Variants in GRIN2B observed in about 807,000 individuals in gnomAD.
GRIN2B encodes the protein glutamate ionotropic receptor NMDA type subunit 2B.
In GRIN2B, 5 loss-of-function variants were observed where a neutral mutation model predicts 114.5. That is an observed-to-expected ratio of 0.04 (90% confidence interval 0.02 to 0.09). The LOEUF is 0.09. Among genes scored for constraint, GRIN2B ranks in the 10% least tolerant of loss-of-function variants. The pLI, the probability that GRIN2B is intolerant of heterozygous loss-of-function variation, is 1.00. For synonymous variants in GRIN2B, 787 were observed against 745.1 expected (o/e 1.06, Z -0.92); for missense variants, 1,108 against 1,943.5 (o/e 0.57, Z 8.08).
intron 4 of GRIN2B, among the ~76,000 whole-genome samples, chr12:13,726,550 A>G (rs910342475): frequency 6.8e-5 from 10 of 147,698 alleles, no homozygotes; most frequent in African/African-American, 9.8e-5. Context: ...AGAAAGAAAT[A>G]TATATATATA....
At chr12:13,711,891 A>G (rs1170445733) in intron 4 of GRIN2B, among the ~76,000 whole-genome samples, 1 of 151,980 alleles carries the variant, frequency 6.6e-6, no homozygotes. Context: ...TATACCCAAA[A>G]GATTATAAAT....
Position 13,782,763 on chromosome 12 carries a change from A to C in GRIN2B, c.412-28848T>G, listed in dbSNP as rs553227269. Among the ~76,000 whole-genome samples the C allele has an allele frequency of 5.3e-5, 8 of 152,264 alleles. No individual in the cohort carries two copies. In the South Asian group the frequency reaches 1.7e-3, roughly 32 times the overall value. Reference sequence around the variant, plus strand: ...TCTTTGCTCTAGACCCAGCTCACCCACATATTTTTATCTCCCCATCACACT... The same window carrying C: ...TCTTTGCTCTAGACCCAGCTCACCCCCATATTTTTATCTCCCCATCACACT... On this transcript the variant is annotated intron_variant, in intron 3 of 13. Transcript: ENST00000609686.
At chr12:13,748,313 C>G (rs1020435817) in intron 4 of GRIN2B, among the ~76,000 whole-genome samples, 8 of 152,184 alleles carry the variant, frequency 5.3e-5, no homozygotes, top group African/African-American at 1.9e-4. Context: ...AGCGGGCTCT[C>G]AGGACAGAAA....
At chr12:13,726,363 T>C (rs558290849) in intron 4 of GRIN2B, among the ~76,000 whole-genome samples, 1 of 151,610 alleles carries the variant, frequency 6.6e-6, no homozygotes, top group Non-Finnish European at 1.5e-5. Flanking sequence ...GGTGAAACCT[T>C]GTCTCTACTA....
At chr12:13,970,770 A>G (rs575013391) in intron 2 of GRIN2B, among the ~76,000 whole-genome samples, 2 of 151,784 alleles carry the variant, frequency 1.3e-5, no homozygotes, top group African/African-American at 2.4e-5. Flanking sequence ...GCATTCTCCT[A>G]CTCAGGAAAG....
intron 3 of GRIN2B, among the ~76,000 whole-genome samples, chr12:13,803,662 A>C (rs1487019339): frequency 6.6e-6 from 1 of 152,184 alleles, no homozygotes; most frequent in Non-Finnish European, 1.5e-5. Context: ...AATTTAGGGG[A>C]CTGTGAATAG....
intron 5 of GRIN2B, among the ~76,000 whole-genome samples, chr12:13,618,494 A>G (rs1949473848): frequency 6.6e-6 from 1 of 152,132 alleles, no homozygotes; most frequent in African/African-American, 2.4e-5. Flanking sequence ...CTGGCCTATT[A>G]TAGCCCAGCG....
chr12:13,571,164 A>T (rs1948703276), intron 11 of GRIN2B, among the ~76,000 whole-genome samples: 1 of 152,154 alleles, frequency 6.6e-6, no homozygotes, highest in South Asian at 2.1e-4. Flanking sequence ...CAGCTACGAG[A>T]CCCCTTGACC....
intron 2 of GRIN2B, among the ~76,000 whole-genome samples, chr12:13,978,608 G>A (rs1035008474): frequency 3.3e-5 from 5 of 152,186 alleles, no homozygotes; most frequent in African/African-American, 7.2e-5. Context: ...AAAATTGTGT[G>A]TGTGTTGGGG....
intron 3 of GRIN2B, among the ~76,000 whole-genome samples, chr12:13,760,043 G>A (rs1863649919): frequency 6.6e-6 from 1 of 152,154 alleles, no homozygotes; most frequent in Non-Finnish European, 1.5e-5. Context: ...CCAACAAAGT[G>A]CTCTCAATCC....
At chr12:13,971,034 A>G (rs1355000199) in intron 2 of GRIN2B, among the ~76,000 whole-genome samples, 2 of 152,232 alleles carry the variant, frequency 1.3e-5, no homozygotes, top group African/African-American at 4.8e-5. Context: ...ATCTATCTGC[A>G]TGGTAACAAA....
intron 4 of GRIN2B, among the ~76,000 whole-genome samples, chr12:13,740,498 T>C (rs1268437258): frequency 3.9e-5 from 6 of 152,080 alleles, no homozygotes; most frequent in Non-Finnish European, 8.8e-5. Flanking sequence ...TTTTCTTTTT[T>C]TTTTTTTTTA....
intron 4 of GRIN2B, among the ~76,000 whole-genome samples, chr12:13,732,999 G>C (rs1412927361): frequency 6.6e-6 from 1 of 152,132 alleles, no homozygotes; most frequent in Non-Finnish European, 1.5e-5. Flanking sequence ...CTAGTTAGAG[G>C]AACACACACA....
chr12:13,927,366 T>C (rs1866936096), intron 2 of GRIN2B, among the ~76,000 whole-genome samples: 1 of 152,128 alleles, frequency 6.6e-6, no homozygotes, highest in Non-Finnish European at 1.5e-5. Flanking sequence ...AGGCTAGAAA[T>C]GTTTTTTTCT....
chr12:13,908,309 G>A (rs1179005366), intron 2 of GRIN2B, among the ~76,000 whole-genome samples: 3 of 151,942 alleles, frequency 2.0e-5, no homozygotes, highest in African/African-American at 7.2e-5. Flanking sequence ...TGTTAAACAT[G>A]TATACTATCT....
At chr12:13,834,903 G>A (rs867194325) in intron 3 of GRIN2B, among the ~76,000 whole-genome samples, 2 of 152,090 alleles carry the variant, frequency 1.3e-5, no homozygotes, top group African/African-American at 2.4e-5. Flanking sequence ...TTATGGGAGC[G>A]ACCCAGGCAT....
chr12:13,657,016 C>T (rs905314267), intron 5 of GRIN2B, among the ~76,000 whole-genome samples: 5 of 152,110 alleles, frequency 3.3e-5, no homozygotes, highest in East Asian at 1.9e-4. Context: ...ACGGATCAAT[C>T]GCACCAAGTC....
intron 2 of GRIN2B, among the ~76,000 whole-genome samples, chr12:13,962,990 T>G (rs1209489592): frequency 6.6e-6 from 1 of 152,158 alleles, no homozygotes; most frequent in Non-Finnish European, 1.5e-5. Flanking sequence ...CACCTCTTCC[T>G]TTTACCCTGT....
chr12:13,575,852 G>C (rs2136420706), intron 10 of GRIN2B, among the ~76,000 whole-genome samples: 1 of 152,082 alleles, frequency 6.6e-6, no homozygotes, highest in Non-Finnish European at 1.5e-5. Flanking sequence ...CTCTTTTCTG[G>C]AAGTATTATT....
Sources: allele counts gnomAD v4.1 joint callset (sites outside exome capture counted in the v4.1 genomes callset), GRCh38; gene constraint gnomAD v4.1.1; transcripts MANE v1.5; gene names NCBI Gene and HGNC (gene_info 2026-07-23, HGNC 2026-07-21).